The following NRG1 variants were observed in gnomAD, a reference collection of about 807,000 sequenced individuals.
NRG1 encodes neuregulin 1.
Under a neutral mutation model 63.8 loss-of-function variants are expected in NRG1, and 18 were observed. The ratio of observed to expected loss-of-function variants is 0.28; its 90% CI spans 0.19 to 0.42. The LOEUF is 0.42. NRG1 is among the 10% of genes least tolerant of loss of function. The pLI is 1.00. For missense variants in NRG1, 762 were observed against 814.7 expected, an observed-to-expected ratio of 0.94 and a Z score of 0.79; for synonymous variants, 302 against 301.3, an observed-to-expected ratio of 1.00 and a Z score of -0.02.
intron 1 of NRG1, among the ~76,000 whole-genome samples, chr8:32,150,960 A>G (rs1325238783): frequency 1.3e-5 from 2 of 152,188 alleles, no homozygotes; most frequent in African/African-American, 4.8e-5. Flanking sequence ...AAAGAAGGTA[A>G]GATATGTTGT....
chr8:32,493,696 T>C (rs1826864235), intron 1 of NRG1, among the ~76,000 whole-genome samples: 1 of 152,246 alleles, frequency 6.6e-6, no homozygotes, highest in Admixed American at 6.5e-5. Context: ...AGCATCTTTA[T>C]TCTCTACCAG....
intron 5 of NRG1, among the ~76,000 whole-genome samples, chr8:32,651,786 C>T (rs759710158): frequency 2.6e-5 from 4 of 152,052 alleles, no homozygotes; most frequent in Non-Finnish European, 5.9e-5. Flanking sequence ...TTGAAAGTGC[C>T]GTTCATTTAA....
At chr8:31,990,742 C>A (rs911538608) in intron 1 of NRG1, among the ~76,000 whole-genome samples, 1 of 152,066 alleles carries the variant, frequency 6.6e-6, no homozygotes, top group African/African-American at 2.4e-5. Context: ...ACCCTGATCC[C>A]AGATTGGACA....
intron 1 of NRG1, among the ~76,000 whole-genome samples, chr8:31,958,046 G>GATAGATAGATAGATAT (rs1804746420): frequency 6.6e-6 from 1 of 150,610 alleles, no homozygotes; most frequent in African/African-American, 2.5e-5. Flanking sequence ...GTAGAGACCA[G>GATAGATAGATAGATAT]ATAGATAGAT....
chr8:31,857,103 G>GAGGC (rs1443091347), intron 1 of NRG1, among the ~76,000 whole-genome samples: 1 of 152,236 alleles, frequency 6.6e-6, no homozygotes, highest in East Asian at 1.9e-4. Context: ...GGAGCCTACA[G>GAGGC]AGGCAGGCAG....
intron 1 of NRG1, among the ~76,000 whole-genome samples, chr8:31,795,134 C>T (rs112476966): frequency 0.016 from 2,370 of 152,204 alleles, 43 homozygotes; most frequent in African/African-American, 0.042. Flanking sequence ...TTTTAGATAG[C>T]TTCTTTATCA....
chr8:32,626,038 C>A (rs1347947085), intron 5 of NRG1, among the ~76,000 whole-genome samples: 1 of 152,024 alleles, frequency 6.6e-6, no homozygotes, highest in East Asian at 2.0e-4. Context: ...AAGTGATCTG[C>A]CCACCTTGGC....
intron 1 of NRG1, among the ~76,000 whole-genome samples, chr8:31,960,299 C>T (rs372659058): frequency 6.6e-6 from 1 of 152,106 alleles, no homozygotes; most frequent in Non-Finnish European, 1.5e-5. Flanking sequence ...TGGGGTTCTT[C>T]CCTGACAGTT....
At chr8:32,221,678 A>G (rs1328137882) in intron 1 of NRG1, among the ~76,000 whole-genome samples, 3 of 152,154 alleles carry the variant, frequency 2.0e-5, no homozygotes, top group Non-Finnish European at 2.9e-5. Context: ...GGGTGTGATT[A>G]CAGCATATAT....
intron 1 of NRG1, among the ~76,000 whole-genome samples, chr8:32,313,046 G>A (rs1268155516): frequency 5.3e-5 from 8 of 152,038 alleles, no homozygotes; most frequent in Admixed American, 3.3e-4. Context: ...CCAGCTACTC[G>A]GGAGGCTGAG....
chr8:31,959,783 TTTATTTATTTA>T lies in NRG1; in HGVS notation c.37+320366_37+320376del, dbSNP rs1250627305. On this transcript the variant is annotated intron_variant, in intron 1 of 10. Coordinates refer to the NRG1 transcript ENST00000519301. ...TGGAACCCCAAGCAACCACCGATTA[TTTATTTATTTA>T]TTATTTATTTATTTATTTATTTATT... Among the ~76,000 whole-genome samples the T allele has an allele frequency of 2.4e-3, 284 of 118,714 alleles. 3 individuals are homozygous for T. Among genetic ancestry groups the T allele is most frequent in the African/African-American group, 9.8e-3 (271 of 27,590 alleles). The allele number at this position is 118,714 out of a possible 152,430, so 77.9% of individuals were successfully genotyped here.
At chr8:32,304,747 G>T (rs957352043) in intron 1 of NRG1, among the ~76,000 whole-genome samples, 21 of 152,254 alleles carry the variant, frequency 1.4e-4, no homozygotes, top group African/African-American at 4.6e-4. Context: ...AGGTGTGGTT[G>T]TCTCACACCT....
intron 1 of NRG1, among the ~76,000 whole-genome samples, chr8:31,975,790 ATT>A (rs1808065832): frequency 6.6e-6 from 1 of 152,206 alleles, no homozygotes; most frequent in Non-Finnish European, 1.5e-5. Flanking sequence ...TAGGTGAAGT[ATT>A]CAGGTTAAGT....
chr8:32,439,878 C>T (rs1033440154), intron 1 of NRG1, among the ~76,000 whole-genome samples: 1 of 146,496 alleles, frequency 6.8e-6, no homozygotes, highest in Non-Finnish European at 1.5e-5. Flanking sequence ...TCAAGCAATC[C>T]TCATCCTCCC....
intron 1 of NRG1, among the ~76,000 whole-genome samples, chr8:32,477,816 A>G (rs1308530076): frequency 6.6e-6 from 1 of 152,210 alleles, no homozygotes; most frequent in Non-Finnish European, 1.5e-5. Flanking sequence ...GTCTCTCACA[A>G]TACATAGTTT....
chr8:31,759,965 T>C lies in NRG1; in HGVS notation c.37+120534T>C, dbSNP rs532507686. 2.4e-4 allele frequency among the ~76,000 whole-genome samples: 37 copies of C among 152,304 alleles called. 1 individual carries two copies. In the South Asian group the frequency reaches 3.9e-3, roughly 16 times the overall value. On this transcript the variant is annotated intron_variant, in intron 1 of 10. Coordinates refer to the NRG1 transcript ENST00000519301. ...CACAAGCGTTTTCTAGTCTTTGATATTGTAAATTGTATAGAATTTTAAATT... is the reference window on the plus strand; with the variant it reads ...CACAAGCGTTTTCTAGTCTTTGATACTGTAAATTGTATAGAATTTTAAATT...
chr8:32,189,590 A>G (rs1842286917), intron 1 of NRG1, among the ~76,000 whole-genome samples: 1 of 152,176 alleles, frequency 6.6e-6, no homozygotes, highest in African/African-American at 2.4e-5. Context: ...AGAGAATGAA[A>G]TAAGAAAGCA....
intron 1 of NRG1, among the ~76,000 whole-genome samples, chr8:32,208,947 T>C (rs1041230584): frequency 2.6e-5 from 4 of 152,166 alleles, no homozygotes; most frequent in Non-Finnish European, 5.9e-5. Flanking sequence ...ATAATAAGCA[T>C]GCATAGCCTA....
intron 1 of NRG1, among the ~76,000 whole-genome samples, chr8:31,876,063 A>G (rs1829892910): frequency 6.6e-6 from 1 of 150,630 alleles, no homozygotes; most frequent in East Asian, 1.9e-4. Flanking sequence ...ACAAACAAAC[A>G]AACAATTGGA....
Sources: allele counts gnomAD v4.1 joint callset (sites outside exome capture counted in the v4.1 genomes callset), GRCh38; gene constraint gnomAD v4.1.1; transcripts MANE v1.5; gene names NCBI Gene and HGNC (gene_info 2026-07-23, HGNC 2026-07-21).